Variants in ICA1 observed in about 807,000 individuals in gnomAD.
ICA1 encodes the protein 69 kDa islet cell autoantigen.
In ICA1, 40 loss-of-function variants were observed where a neutral mutation model predicts 71.0. The observed-to-expected ratio is 0.56, with a 90% CI of 0.44 to 0.73. The LOEUF is 0.73. ICA1 is among the 30% of genes least tolerant of loss of function. The pLI, the probability that ICA1 is intolerant of heterozygous loss-of-function variation, is 0.00. For synonymous variants in ICA1, 207 were observed against 209.5 expected (o/e 0.99, Z 0.10); for missense variants, 578 against 576.5 (o/e 1.00, Z -0.03).
At chr7:8,172,078 T>C (rs1035328153) in intron 6 of ICA1, among the ~76,000 whole-genome samples, 9 of 152,090 alleles carry the variant, frequency 5.9e-5, no homozygotes, top group African/African-American at 1.2e-4. Flanking sequence ...TATACTGTGA[T>C]GTTGAATGGA....
intron 1 of ICA1, among the ~76,000 whole-genome samples, chr7:8,258,409 C>A (rs1284974210): frequency 6.6e-6 from 1 of 152,172 alleles, no homozygotes; most frequent in Non-Finnish European, 1.5e-5. Context: ...GTGATGCAGG[C>A]CATCATTTCC....
chr7:8,179,295 A>G (rs1007274026), intron 6 of ICA1, among the ~76,000 whole-genome samples: 2 of 152,134 alleles, frequency 1.3e-5, no homozygotes, highest in Non-Finnish European at 2.9e-5. Flanking sequence ...AGCCTATCCT[A>G]CCCAGTGTGG....
intron 6 of ICA1, among the ~76,000 whole-genome samples, chr7:8,211,772 C>T (rs752284323): frequency 6.6e-5 from 10 of 152,162 alleles, no homozygotes; most frequent in Non-Finnish European, 1.5e-4. Context: ...TATAAAACAG[C>T]AGCCAGCAAA....
At chr7:8,261,988 G>A (rs1465822028) in intron 1 of ICA1, 106 bp downstream of exon 1, 1 of 152,300 alleles carries the variant, frequency 6.6e-6, no homozygotes, top group Non-Finnish European at 1.5e-5. Context: ...GGGCAGAGAA[G>A]GCAGCTCCTA....
intron 1 of ICA1, among the ~76,000 whole-genome samples, chr7:8,237,375 AT>A (rs1269776647): frequency 1.3e-5 from 2 of 152,196 alleles, no homozygotes; most frequent in African/African-American, 4.8e-5. Context: ...AGGAAATGGA[AT>A]TATCATATTC....
chr7:8,163,072 A>G (rs544836661), intron 6 of ICA1, among the ~76,000 whole-genome samples: 80 of 152,250 alleles, frequency 5.3e-4, no homozygotes, highest in Middle Eastern at 6.8e-3. Context: ...TCTAATGGCC[A>G]TGTATTTTAG....
At chr7:8,149,725 C>T (rs955401573) in intron 8 of ICA1, among the ~76,000 whole-genome samples, 3 of 152,262 alleles carry the variant, frequency 2.0e-5, no homozygotes, top group African/African-American at 7.2e-5. Flanking sequence ...TTTTCTTATG[C>T]TACTTTCCAT....
intron 3 of ICA1, among the ~76,000 whole-genome samples, chr7:8,229,869 T>C (rs1799725199): frequency 6.6e-6 from 1 of 152,232 alleles, no homozygotes; most frequent in Non-Finnish European, 1.5e-5. Flanking sequence ...GCAAGTGTTT[T>C]ATATCAGTAT....
chr7:8,207,329 T>A (rs867686589), intron 6 of ICA1, among the ~76,000 whole-genome samples: 18 of 152,216 alleles, frequency 1.2e-4, no homozygotes, highest in African/African-American at 2.4e-5. Context: ...TTCAGAGTTA[T>A]ACCAACAGGC....
chr7:8,147,441 T>A (rs563708283), intron 8 of ICA1, among the ~76,000 whole-genome samples: 6 of 152,226 alleles, frequency 3.9e-5, no homozygotes, highest in African/African-American at 1.4e-4. Context: ...TAATTGCTCC[T>A]CTCTTCCTAC....
intron 1 of ICA1, among the ~76,000 whole-genome samples, chr7:8,255,435 G>A (rs1042057390): frequency 6.6e-6 from 1 of 151,978 alleles, no homozygotes; most frequent in African/African-American, 2.4e-5. Flanking sequence ...TTTCCTCTGT[G>A]TCTGCATCTC....
intron 6 of ICA1, among the ~76,000 whole-genome samples, chr7:8,180,160 A>C (rs1159099360): frequency 6.6e-6 from 1 of 152,098 alleles, no homozygotes; most frequent in Non-Finnish European, 1.5e-5. Flanking sequence ...GCACTCCAGA[A>C]GACTCCCTTG....
chr7:8,149,493 AG>A, intron 8 of ICA1, among the ~76,000 whole-genome samples: 1 of 152,354 alleles, frequency 6.6e-6, no homozygotes, highest in Admixed American at 6.5e-5. Context: ...AGCTTGCAAA[AG>A]TGTCTTAGAA....
chr7:8,247,726 C>T (rs1314294834), intron 1 of ICA1, among the ~76,000 whole-genome samples: 2 of 152,182 alleles, frequency 1.3e-5, no homozygotes, highest in Admixed American at 6.5e-5. Flanking sequence ...CATAAGCTGG[C>T]TTCCACTGCA....
At chr7:8,238,975 T>C (rs1802783894) in intron 1 of ICA1, among the ~76,000 whole-genome samples, 1 of 152,224 alleles carries the variant, frequency 6.6e-6, no homozygotes, top group African/African-American at 2.4e-5. Context: ...CATTAAAGTA[T>C]GAGAACCACA....
intron 6 of ICA1, among the ~76,000 whole-genome samples, chr7:8,203,591 A>T (rs1441751268): frequency 6.6e-6 from 1 of 152,182 alleles, no homozygotes; most frequent in African/African-American, 2.4e-5. Flanking sequence ...CAAAATCCTT[A>T]GGTAGAAGCC....
intron 6 of ICA1, among the ~76,000 whole-genome samples, chr7:8,159,835 A>T (rs1268102962): frequency 6.6e-6 from 1 of 152,216 alleles, no homozygotes; most frequent in Non-Finnish European, 1.5e-5. Flanking sequence ...ATTTTTCAAA[A>T]ACCACCTTAC....
At chr7:8,143,585 C>T (rs1795929982) in intron 9 of ICA1, among the ~76,000 whole-genome samples, 1 of 152,138 alleles carries the variant, frequency 6.6e-6, no homozygotes, top group Non-Finnish European at 1.5e-5. Flanking sequence ...AGGTCACAGG[C>T]AGAGAGCCAG....
chr7:8,191,812 T>C (rs1251397285), intron 6 of ICA1, among the ~76,000 whole-genome samples: 1 of 152,072 alleles, frequency 6.6e-6, no homozygotes, highest in East Asian at 1.9e-4. Flanking sequence ...ACTGGATGTT[T>C]AATTTCTTAA....
Sources: allele counts gnomAD v4.1 joint callset (sites outside exome capture counted in the v4.1 genomes callset), GRCh38; gene constraint gnomAD v4.1.1; transcripts MANE v1.5; gene names NCBI Gene and HGNC (gene_info 2026-07-23, HGNC 2026-07-21).